The following SMG1 variants were observed in gnomAD, a reference collection of about 807,000 sequenced individuals.
The protein encoded by SMG1 is serine/threonine-protein kinase SMG1.
SMG1 carries 22 observed loss-of-function variants against 419.9 expected under a neutral mutation model. The observed-to-expected ratio is 0.05, with a 90% confidence interval of 0.04 to 0.07. The LOEUF (loss-of-function observed/expected upper bound fraction) is 0.07, where lower values mean the gene tolerates loss of function less well. Ranked by LOEUF, SMG1 falls within the 10% of genes least tolerant of loss-of-function variation. The pLI, the probability that SMG1 is intolerant of heterozygous loss-of-function variation, is 1.00. For missense variants in SMG1, 3,185 were observed against 4,342.0 expected, an observed-to-expected ratio of 0.73 and a Z score of 7.49; for synonymous variants, 1,538 against 1,553.5, an observed-to-expected ratio of 0.99 and a Z score of 0.23.
At chr16:18,856,187 G>A (rs1021539151) in intron 29 of SMG1, among the ~76,000 whole-genome samples, 3 of 149,076 alleles carry the variant, frequency 2.0e-5, no homozygotes, top group Non-Finnish European at 3.0e-5. Context: ...TTTTGAGACC[G>A]GGTGTCACTC....
At chr16:18,844,599 G>T (rs2034149778) in intron 39 of SMG1, among the ~76,000 whole-genome samples, 3 of 108,772 alleles carry the variant, frequency 2.8e-5, no homozygotes. Flanking sequence ...CTCGAGTTTT[G>T]GCAAGAACAC....
intron 1 of SMG1, chr16:18,924,858 T>C (rs555928237): frequency 1.3e-5 from 2 of 152,298 alleles, no homozygotes; most frequent in East Asian, 1.9e-4. Flanking sequence ...CATTCTAACA[T>C]CTTAGCAAAT....
chr16:18,845,357 C>T (rs2034198033), intron 39 of SMG1, 72 bp downstream of exon 39: 2 of 1,302,192 alleles, frequency 1.5e-6, no homozygotes, highest in Non-Finnish European at 2.1e-6. Context: ...AAGAAGTCCA[C>T]TTATTGAAAT....
At chr16:18,900,008 A>G (rs1376514257) in intron 1 of SMG1, 1 of 1,531,188 alleles carries the variant, frequency 6.5e-7, no homozygotes, top group Admixed American at 2.0e-5. Context: ...CATACTGTAT[A>G]ATATGGAGCC....
intron 46 of SMG1, among the ~76,000 whole-genome samples, 188 bp downstream of exon 46, chr16:18,837,065 T>C (rs1244977946): frequency 2.6e-5 from 4 of 152,226 alleles, no homozygotes; most frequent in Non-Finnish European, 1.5e-5. Flanking sequence ...ACATTTAAGT[T>C]AAATATAATA....
chr16:18,882,973 A>G (rs186452158), intron 9 of SMG1, among the ~76,000 whole-genome samples: 76 of 152,344 alleles, frequency 5.0e-4, no homozygotes, highest in African/African-American at 1.8e-3. Flanking sequence ...ATGAGAGGTA[A>G]ATCAGCTTTA....
chr16:18,837,419 C>T lies in SMG1; in HGVS notation c.7438G>A (p.Glu2480Lys), dbSNP rs1041795200. 2 of 1,613,618 alleles carry T rather than the reference C, an allele frequency of 1.2e-6. No homozygotes were observed. The highest frequency in any genetic ancestry group is 1.3e-5 in the African/African-American group (1 of 74,930). Residue 2480 changes from glutamate to lysine, a missense_variant, in exon 46 of 63, where the codon GAG becomes AAG. By Grantham distance (56) the Glu-to-Lys change is moderately conservative. This residue lies in a region of SMG1 where 412 missense variants were observed against 546.6 expected (regional missense o/e 0.75). Coordinates refer to ENST00000446231, the MANE Select transcript of SMG1 (RefSeq NM_015092.5). ...AACTTGGGAAGCACAACCAGCATCTCATCTCTATTCTTAAACCAGTTCACC... is the reference window on the plus strand; with the variant it reads ...AACTTGGGAAGCACAACCAGCATCTTATCTCTATTCTTAAACCAGTTCACC... ...IKVNWFKNRD[E>K]MLVVLPKLDG...
At chr16:18,864,294 C>T in intron 23 of SMG1, 150 bp from the exon 24 acceptor site, 1 of 664,084 alleles carries the variant, frequency 1.5e-6, no homozygotes, top group Non-Finnish European at 2.4e-6. Context: ...CTCCTGGGTA[C>T]AAGCGATTTT....
intron 42 of SMG1, 145 bp downstream of exon 42, chr16:18,839,553 G>A (rs1357892733): frequency 4.5e-5 from 46 of 1,031,364 alleles, no homozygotes; most frequent in Non-Finnish European, 2.8e-6. Flanking sequence ...CTTTATAACT[G>A]TAATATTAAA....
In SMG1 at chr16:18,896,078, G is replaced by A. The variant is rs759833039; in HGVS notation, c.386C>T (p.Ala129Val). The change falls in exon 3 of 63, where the codon GCC becomes GTC. Residue 129 changes from alanine (A) to valine (V), a missense_variant. By Grantham distance (64) the Ala-to-Val change is moderately conservative (BLOSUM62 0). Transcript: ENST00000446231. ...CTGTGATTTCCTCATGTCTTTGGTG[G>A]CTAAAGCACGACTGCCATGCTGAAC... The part of the protein sequence containing the change: ...TSVQHGSRAL[A>V]TKDMRKSQER... 50 of 1,611,014 alleles carry A rather than the reference G, an allele frequency of 3.1e-5. 1 individual carries two copies. The South Asian group carries it at 5.2e-4, about 17-fold the overall frequency.
rs1337091483 is a variant in SMG1 at position 18,819,603 on chromosome 16, C to G, written c.9793G>C (p.Gly3265Arg). Residue 3265 changes from glycine (G) to arginine (R), a missense_variant, in exon 56 of 63, where the codon GGT becomes CGT. Physicochemically the swap from Gly to Arg is moderately radical, Grantham distance 125. Transcript: ENST00000446231. ...GGGGCCAATGCAGGGTTGGCACCAC[C>G]TGCCCACTTGAGTCGCTGTTCAATA... ...SSIEQRLKWA[G>R]GANPALAPVL... is the part of the protein sequence containing the mutation. The G allele has an allele frequency of 6.3e-7, 1 of 1,594,612 alleles. No individual in the cohort carries two copies. Among genetic ancestry groups the G allele is most frequent in the East Asian group, 2.3e-5 (1 of 44,310 alleles).
At chr16:18,854,248 C>G (rs1434490244) in intron 30 of SMG1, among the ~76,000 whole-genome samples, 1 of 151,724 alleles carries the variant, frequency 6.6e-6, no homozygotes, top group Non-Finnish European at 1.5e-5. Context: ...CACCACACCC[C>G]CCTAATTTCT....
chr16:18,873,683 A>G (rs1006117687), intron 13 of SMG1, among the ~76,000 whole-genome samples: 1 of 152,216 alleles, frequency 6.6e-6, no homozygotes, highest in Non-Finnish European at 1.5e-5. Flanking sequence ...GGTCTAAACA[A>G]AGCCCTCTGT....
At chr16:18,844,202 G>A (rs965235166) in intron 39 of SMG1, among the ~76,000 whole-genome samples, 2 of 152,080 alleles carry the variant, frequency 1.3e-5, no homozygotes, top group African/African-American at 4.8e-5. Flanking sequence ...GCCGAGGAGG[G>A]TGGATCACTT....
At chr16:18,846,320 T>C (rs2034266342) in intron 38 of SMG1, among the ~76,000 whole-genome samples, 2 of 152,170 alleles carry the variant, frequency 1.3e-5, no homozygotes, top group Non-Finnish European at 2.9e-5. Context: ...ACCCCAGACT[T>C]GGCAATGATT....
Position 18,807,433 on chromosome 16 carries a change from T to C in SMG1, c.*2136A>G, listed in dbSNP as rs2030941814. On this transcript the variant is annotated 3_prime_UTR_variant, in exon 63 of 63. Transcript: ENST00000446231. ...ATTCCAGCTAGGTTTTTTGCGAAAATAAGGTTCCAAATGAATGAAGAAAAC... is the reference window on the plus strand; with the variant it reads ...ATTCCAGCTAGGTTTTTTGCGAAAACAAGGTTCCAAATGAATGAAGAAAAC... 1.3e-5 allele frequency: 2 copies of C among 152,080 alleles called. No individual in the cohort carries two copies. Among genetic ancestry groups the C allele is most frequent in the African/African-American group, 2.4e-5 (1 of 41,402 alleles). 9.4% of individuals were successfully genotyped at this position (152,080 alleles called of 1,614,324 possible).
chr16:18,902,416 G>A (rs186250524), intron 1 of SMG1, among the ~76,000 whole-genome samples: 6 of 152,170 alleles, frequency 3.9e-5, no homozygotes, highest in East Asian at 3.9e-4. Context: ...CCTAAGAGTC[G>A]TCTTGGCCAG....
chr16:18,920,699 G>A (rs2038163163), intron 1 of SMG1, among the ~76,000 whole-genome samples: 1 of 151,892 alleles, frequency 6.6e-6, no homozygotes, highest in African/African-American at 2.4e-5. Flanking sequence ...AAAGTAGCTG[G>A]GGGTGGTGAC....
chr16:18,902,808 A>G (rs1275712343), intron 1 of SMG1, among the ~76,000 whole-genome samples: 4 of 152,128 alleles, frequency 2.6e-5, no homozygotes, highest in Non-Finnish European at 4.4e-5. Context: ...CTGCACTCAT[A>G]TTTAAAACCA....
Sources: gnomAD v4.1 joint callset for allele counts (sites outside exome capture counted in the v4.1 genomes callset) on GRCh38, gnomAD v4.1.1 for gene constraint, gnomAD v4.1.1 regional missense constraint, MANE v1.5 for transcripts, NCBI Gene and HGNC (gene_info 2026-07-23, HGNC 2026-07-21) for gene names.